PHAX: variants seen among roughly 807,000 people sequenced by gnomAD.
The protein encoded by PHAX is phosphorylated adaptor for RNA export.
A neutral mutation model predicts 41.6 loss-of-function variants in PHAX; 31 were observed. The observed-to-expected ratio is 0.75, with a 90% CI of 0.56 to 1.01. PHAX has a LOEUF of 1.01. Among genes scored for constraint, PHAX ranks in the 50% least tolerant of loss-of-function variants. The pLI, the probability that PHAX is intolerant of heterozygous loss-of-function variation, is 0.00. For synonymous variants in PHAX, 175 were observed against 164.9 expected (o/e 1.06, Z -0.47); for missense variants, 453 against 472.9 (o/e 0.96, Z 0.39).
rs1315499440 is a variant in PHAX, at chr5:126,626,778, G to T, written c.*1934G>T. 6.7e-6 allele frequency: 1 copy of T among 150,192 alleles called. No individual in the cohort carries two copies. The highest frequency in any genetic ancestry group is 1.5e-5 in the Non-Finnish European group (1 of 67,966). 9.3% of individuals were successfully genotyped at this position (150,192 alleles called of 1,614,324 possible). On this transcript the variant is annotated 3_prime_UTR_variant, in exon 5 of 5. Coordinates refer to ENST00000297540, the MANE Select transcript of PHAX (RefSeq NM_032177.4). ...TACAAAAAATTAGCCGGGCATTGTG[G>T]TGCATGCCTGTAATCTCAGCTATTT...
At chr5:126,615,206 TATATC>T (rs1752165687) in intron 3 of PHAX, among the ~76,000 whole-genome samples, 1 of 152,174 alleles carries the variant, frequency 6.6e-6, no homozygotes, top group Non-Finnish European at 1.5e-5. Context: ...AGTGAATAGT[TATATC>T]ATAATTTATA....
At chr5:126,618,015 G>T (rs552381628) in intron 4 of PHAX, among the ~76,000 whole-genome samples, 1 of 151,936 alleles carries the variant, frequency 6.6e-6, no homozygotes, top group Non-Finnish European at 1.5e-5. Context: ...GTGCAGTGGC[G>T]CAATTTCTGT....
rs761125079 is a variant in PHAX, at chr5:126,609,095, A to ATTTTT, written c.831+630_831+634dup. 1.4e-4 allele frequency among the ~76,000 whole-genome samples: 14 copies of ATTTTT among 101,234 alleles called. 1 individual carries two copies. Among genetic ancestry groups the ATTTTT allele is most frequent in the African/African-American group, 4.3e-4 (9 of 20,998 alleles). 66.4% of individuals were successfully genotyped at this position (101,234 alleles called of 152,430 possible). On this transcript the variant is annotated intron_variant, in intron 3 of 4. Transcript: ENST00000297540. ...ATGATTTGTTAAAGGTAGGGGTTGA[A>ATTTTT]TTTTTTTTTTTTTTTTTTTTTTTGA...
intron 1 of PHAX, 100 bp from the exon 2 acceptor site, chr5:126,603,470 C>A: frequency 7.8e-7 from 1 of 1,277,600 alleles, no homozygotes; most frequent in Non-Finnish European, 1.1e-6. Flanking sequence ...AAGATCAGTT[C>A]CATTTTGGAA....
At chr5:126,623,811 A>G (rs1752307263) in intron 4 of PHAX, among the ~76,000 whole-genome samples, 1 of 152,138 alleles carries the variant, frequency 6.6e-6, no homozygotes, top group African/African-American at 2.4e-5. Flanking sequence ...TTAAGAATAT[A>G]ACAGGGACTG....
chr5:126,601,148 G>C (rs1351654349), intron 1 of PHAX, 90 bp downstream of exon 1: 1 of 903,098 alleles, frequency 1.1e-6, no homozygotes, highest in African/African-American at 1.8e-5. Context: ...GGTGAGGGGT[G>C]GGAGCTAGGA....
In PHAX at chr5:126,604,200, C is replaced by A; in HGVS notation, c.710+17C>A. The stretch of plus-strand genomic sequence containing the variant: ...TTCATTCAGGTGAGCATTTGAATTA[C>A]AAATAAGTACTTGACCAGATGGCTT... On this transcript the variant is annotated intron_variant, in intron 2 of 4. Transcript: ENST00000297540. 3.4e-6 allele frequency: 5 copies of A among 1,489,874 alleles called. No homozygotes were observed. The highest frequency in any genetic ancestry group is 1.4e-5 in the South Asian group (1 of 69,532). 92.3% of individuals were successfully genotyped at this position (1,489,874 alleles called of 1,614,324 possible). A position where few individuals can be genotyped will look rare whatever the true frequency, so the allele number is the denominator to read the frequency against.
chr5:126,624,877 T>C lies in PHAX; in HGVS notation c.*33T>C. On this transcript the variant is annotated 3_prime_UTR_variant, in exon 5 of 5. Coordinates refer to ENST00000297540, the MANE Select transcript of PHAX (RefSeq NM_032177.4). ...TTCAACAGTTTGAGGACTAAGCCTT[T>C]CTAAAATAACATTGTAATAAACCAT... 3 of 1,558,920 alleles carry C rather than the reference T, an allele frequency of 1.9e-6. No homozygotes were observed. Among genetic ancestry groups the C allele is most frequent in the Middle Eastern group, 1.7e-4 (1 of 5,822 alleles).
chr5:126,624,731 A>G lies in PHAX; in HGVS notation c.1072A>G (p.Thr358Ala). 4 of 1,614,190 alleles carry G rather than the reference A, an allele frequency of 2.5e-6. No individual in the cohort carries two copies. Among genetic ancestry groups the G allele is most frequent in the Non-Finnish European group, 3.4e-6 (4 of 1,180,024 alleles). The change falls in exon 5 of 5, where the codon ACG (threonine) becomes GCG (alanine). Residue 358 changes from threonine to alanine, a missense_variant. Coordinates refer to ENST00000297540, the MANE Select transcript of PHAX (RefSeq NM_032177.4). ...ATCACGAGAAACTTTTGCAAGTGACACGAATGAGGCCTTGGCCTCTCTTGA... is the reference window on the plus strand; with the variant it reads ...ATCACGAGAAACTTTTGCAAGTGACGCGAATGAGGCCTTGGCCTCTCTTGA... ...DTSRETFASD[T>A]NEALASLDES...
chr5:126,618,464 A>G (rs1489450831), intron 4 of PHAX, among the ~76,000 whole-genome samples: 1 of 152,114 alleles, frequency 6.6e-6, no homozygotes, highest in African/African-American at 2.4e-5. Context: ...CTCCTAAGAG[A>G]AATAAAAACA....
chr5:126,601,556 G>A (rs1751903841), intron 1 of PHAX, among the ~76,000 whole-genome samples: 1 of 152,190 alleles, frequency 6.6e-6, no homozygotes, highest in African/African-American at 2.4e-5. Flanking sequence ...AAGGGAGACT[G>A]AGGCCCAGGA....
intron 2 of PHAX, 91 bp downstream of exon 2, chr5:126,604,274 C>CTTTT (rs57270218): frequency 1.9e-3 from 1,201 of 644,414 alleles, no homozygotes; most frequent in South Asian, 6.4e-3. Context: ...TGATATGTTC[C>CTTTT]TTTTTTTTTT....
Position 126,608,468 on chromosome 5 carries a change from G to A in PHAX, c.815G>A (p.Gly272Asp). The change falls in exon 3 of 5, where the codon GGT becomes GAT. Residue 272 changes from glycine to aspartate, a missense_variant. Gly to Asp is a moderately conservative substitution (Grantham distance 94). Transcript: ENST00000297540. Reference sequence around the variant, plus strand: ...GAAACCGCTGAAGTTGAACAAAATGGTGGTCTCTTTATAATGGTAAGACTG... The same window carrying A: ...GAAACCGCTGAAGTTGAACAAAATGATGGTCTCTTTATAATGGTAAGACTG... The part of the protein sequence containing the change: ...LMETAEVEQN[G>D]GLFIMNGSRR... The A allele has an allele frequency of 1.3e-5, 21 of 1,613,714 alleles. No homozygotes were observed. Among genetic ancestry groups the A allele is most frequent in the Non-Finnish European group, 1.7e-5 (20 of 1,179,748 alleles).
rs1447702682 is a variant in PHAX at position 126,626,438 on chromosome 5, A to T, written c.*1594A>T. On this transcript the variant is annotated 3_prime_UTR_variant, in exon 5 of 5. Transcript: ENST00000297540. Reference sequence around the variant, plus strand: ...GTGAAACCCCATCTCAACTAAAAATACAAAAAATACAAAAAATTAGCCGGG... The same window carrying T: ...GTGAAACCCCATCTCAACTAAAAATTCAAAAAATACAAAAAATTAGCCGGG... 1 of 151,920 alleles carries T rather than the reference A, an allele frequency of 6.6e-6. No individual in the cohort carries two copies. The highest frequency in any genetic ancestry group is 1.5e-5 in the Non-Finnish European group (1 of 67,994). The allele number at this position is 151,920 out of a possible 1,614,324, so 9.4% of individuals were successfully genotyped here. A position where few individuals can be genotyped will look rare whatever the true frequency, so the allele number is the denominator to read the frequency against.
At chr5:126,617,900 C>G (rs983891995) in intron 4 of PHAX, among the ~76,000 whole-genome samples, 1 of 151,996 alleles carries the variant, frequency 6.6e-6, no homozygotes, top group Non-Finnish European at 1.5e-5. Flanking sequence ...AGGCATGAAC[C>G]ATTCTTTCTT....
At chr5:126,606,483 A>G (rs1032109144) in intron 2 of PHAX, among the ~76,000 whole-genome samples, 3 of 152,082 alleles carry the variant, frequency 2.0e-5, no homozygotes, top group Non-Finnish European at 2.9e-5. Context: ...TGCCCAGCCA[A>G]TGTTGTGTTT....
At chr5:126,615,516 T>TTTTC (rs1752170643) in intron 3 of PHAX, among the ~76,000 whole-genome samples, 1 of 151,618 alleles carries the variant, frequency 6.6e-6, no homozygotes, top group African/African-American at 2.4e-5. Context: ...TGCTTTTTTT[T>TTTTC]TTTTTTTTTT....
chr5:126,602,074 G>A (rs1226223591), intron 1 of PHAX, among the ~76,000 whole-genome samples: 1 of 152,186 alleles, frequency 6.6e-6, no homozygotes, highest in Non-Finnish European at 1.5e-5. Context: ...GCCTCCCAAA[G>A]TGTTGGGATT....
chr5:126,606,352 C>T (rs1477830149), intron 2 of PHAX, among the ~76,000 whole-genome samples: 5 of 152,022 alleles, frequency 3.3e-5, no homozygotes, highest in South Asian at 2.1e-4. Flanking sequence ...TGTGCTACAA[C>T]GCCCAGCTAA....
Sources: gnomAD v4.1 joint callset for allele counts (sites outside exome capture counted in the v4.1 genomes callset) on GRCh38, gnomAD v4.1.1 for gene constraint, MANE v1.5 for transcripts, NCBI Gene and HGNC (gene_info 2026-07-23, HGNC 2026-07-21) for gene names.